Variants in PDE6D observed in about 807,000 individuals in gnomAD.
PDE6D encodes retinal rod rhodopsin-sensitive cGMP 3',5'-cyclic phosphodiesterase subunit delta.
PDE6D carries 10 observed loss-of-function variants against 21.9 expected under a neutral mutation model. That is an observed-to-expected ratio of 0.46 (90% CI 0.28 to 0.78). The LOEUF is 0.78. Ranked by LOEUF, PDE6D falls within the 30% of genes least tolerant of loss-of-function variation. PDE6D has a pLI of 0.12. For synonymous variants in PDE6D, 59 were observed against 63.5 expected, an observed-to-expected ratio of 0.93 and a Z score of 0.34; for missense variants, 139 against 184.8, an observed-to-expected ratio of 0.75 and a Z score of 1.44.
intron 1 of PDE6D, among the ~76,000 whole-genome samples, chr2:231,764,956 T>G (rs1326205630): frequency 6.6e-6 from 1 of 152,112 alleles, no homozygotes; most frequent in Non-Finnish European, 1.5e-5. Flanking sequence ...CAGGGTCCAG[T>G]GGACTGTAAA....
At chr2:231,751,237 G>C (rs1249295022) in intron 1 of PDE6D, among the ~76,000 whole-genome samples, 1 of 151,836 alleles carries the variant, frequency 6.6e-6, no homozygotes, top group Non-Finnish European at 1.5e-5. Flanking sequence ...GCTCATTGCA[G>C]CCTTGAGCTT....
intron 1 of PDE6D, among the ~76,000 whole-genome samples, chr2:231,766,481 T>C (rs1230618297): frequency 6.6e-6 from 1 of 152,144 alleles, no homozygotes; most frequent in Non-Finnish European, 1.5e-5. Flanking sequence ...TTTATTTGCT[T>C]CCCAGCACCT....
intron 1 of PDE6D, among the ~76,000 whole-genome samples, chr2:231,751,586 G>C (rs2048840547): frequency 6.6e-6 from 1 of 152,208 alleles, no homozygotes; most frequent in Non-Finnish European, 1.5e-5. Context: ...TCTTGGATGT[G>C]AGAGATTCTC....
At chr2:231,768,607 G>A (rs1233256358) in intron 1 of PDE6D, 4 of 152,100 alleles carry the variant, frequency 2.6e-5, no homozygotes, top group Non-Finnish European at 4.4e-5. Context: ...CCATGGGCCA[G>A]GCTGGTCTCC....
chr2:231,755,749 C>T (rs898701752), intron 1 of PDE6D, among the ~76,000 whole-genome samples: 8 of 152,034 alleles, frequency 5.3e-5, no homozygotes, highest in African/African-American at 9.7e-5. Context: ...GGAGAAACCC[C>T]GTCTCTACTA....
At chr2:231,753,618 TAAA>T (rs1237497235) in intron 1 of PDE6D, among the ~76,000 whole-genome samples, 1 of 151,192 alleles carries the variant, frequency 6.6e-6, no homozygotes, top group African/African-American at 2.4e-5. Context: ...TAATAAAAGA[TAAA>T]AATATAAAAA....
At chr2:231,755,257 C>CAA (rs56747577) in intron 1 of PDE6D, among the ~76,000 whole-genome samples, 41,047 of 152,076 alleles carry the variant, frequency 0.27, 5,830 homozygotes, top group Non-Finnish European at 0.32. Flanking sequence ...CCCGAAATGA[C>CAA]AGATATCTCT....
At chr2:231,756,601 C>CTTTTT (rs78576087) in intron 1 of PDE6D, among the ~76,000 whole-genome samples, 1 of 116,454 alleles carries the variant, frequency 8.6e-6, no homozygotes, top group African/African-American at 3.2e-5. Flanking sequence ...CTAAACCTGG[C>CTTTTT]TTTTTTTTTT....
chr2:231,755,263 T>C (rs1395436297), intron 1 of PDE6D, among the ~76,000 whole-genome samples: 1 of 152,134 alleles, frequency 6.6e-6, no homozygotes, highest in Non-Finnish European at 1.5e-5. Flanking sequence ...ATGACAGATA[T>C]CTCTACTATA....
chr2:231,758,605 A>T (rs996352319), intron 1 of PDE6D, among the ~76,000 whole-genome samples: 7 of 152,172 alleles, frequency 4.6e-5, no homozygotes, highest in Non-Finnish European at 1.0e-4. Flanking sequence ...CTGGAGGTGG[A>T]ACCCAGGCAT....
intron 1 of PDE6D, among the ~76,000 whole-genome samples, chr2:231,742,643 A>C (rs1372543952): frequency 6.6e-6 from 1 of 152,200 alleles, no homozygotes; most frequent in East Asian, 1.9e-4. Flanking sequence ...TATAATATAG[A>C]TATAGTTTAC....
chr2:231,781,013 G>A (rs2049116854), intron 1 of PDE6D, 52 bp downstream of exon 1: 1 of 1,526,756 alleles, frequency 6.5e-7, no homozygotes, highest in Non-Finnish European at 9.0e-7. Flanking sequence ...TCTCCTCAGT[G>A]AGCGGCCGCC....
At chr2:231,766,465 T>A (rs953326654) in intron 1 of PDE6D, among the ~76,000 whole-genome samples, 3 of 152,220 alleles carry the variant, frequency 2.0e-5, no homozygotes, top group African/African-American at 4.8e-5. Flanking sequence ...AGGCTCCCTT[T>A]GCACTTTTAT....
chr2:231,764,016 C>T (rs374783805), intron 1 of PDE6D, among the ~76,000 whole-genome samples: 2 of 151,806 alleles, frequency 1.3e-5, no homozygotes, highest in South Asian at 2.1e-4. Flanking sequence ...AGTAAAACCC[C>T]GATTCTTTTG....
intron 1 of PDE6D, among the ~76,000 whole-genome samples, chr2:231,762,339 CTTTTTT>C (rs3074725): frequency 6.0e-5 from 5 of 83,456 alleles, no homozygotes; most frequent in Non-Finnish European, 8.3e-5. Context: ...AGGACTAACG[CTTTTTT>C]TTTTTTTTTT....
At chr2:231,768,107 A>G (rs1267040259) in intron 1 of PDE6D, among the ~76,000 whole-genome samples, 1 of 152,132 alleles carries the variant, frequency 6.6e-6, no homozygotes. Flanking sequence ...AGCCTCCCAA[A>G]GTGTTGGGAT....
intron 1 of PDE6D, among the ~76,000 whole-genome samples, chr2:231,763,535 G>A (rs1260850409): frequency 1.3e-5 from 2 of 151,662 alleles, no homozygotes; most frequent in African/African-American, 2.4e-5. Context: ...TGTGACATGT[G>A]TTTAAAATTT....
intron 1 of PDE6D, among the ~76,000 whole-genome samples, chr2:231,759,919 A>T (rs917672071): frequency 2.6e-5 from 4 of 152,218 alleles, no homozygotes; most frequent in Admixed American, 6.5e-5. Flanking sequence ...CAGGGAAAAA[A>T]GTGTTTTTCT....
At chr2:231,772,777 C>T (rs936150185) in intron 1 of PDE6D, among the ~76,000 whole-genome samples, 5 of 152,206 alleles carry the variant, frequency 3.3e-5, no homozygotes, top group East Asian at 3.8e-4. Flanking sequence ...TTCTCCATGA[C>T]AGTTTTACCG....
Sources: gnomAD v4.1 joint callset for allele counts (sites outside exome capture counted in the v4.1 genomes callset) on GRCh38, gnomAD v4.1.1 for gene constraint, MANE v1.5 for transcripts, NCBI Gene and HGNC (gene_info 2026-07-23, HGNC 2026-07-21) for gene names.